Variants in PUM1 observed in about 807,000 individuals in gnomAD.
The protein encoded by PUM1 is pumilio homolog 1.
Under a neutral mutation model 131.8 loss-of-function variants are expected in PUM1, and 13 were observed. The ratio of observed to expected loss-of-function variants is 0.10; its 90% CI spans 0.06 to 0.16. The LOEUF is 0.16. Ranked by LOEUF, PUM1 falls within the 10% of genes least tolerant of loss-of-function variation. The pLI is 1.00. For missense variants in PUM1, 961 were observed against 1,512.4 expected (o/e 0.64, Z 6.05); for synonymous variants, 509 against 556.5 (o/e 0.91, Z 1.20).
chr1:30,989,577 A>AAAC (rs1368254146), intron 7 of PUM1, among the ~76,000 whole-genome samples: 1 of 147,652 alleles, frequency 6.8e-6, no homozygotes, highest in African/African-American at 2.5e-5. Context: ...GTCTCAAAAA[A>AAAC]AAAAAAAAAA....
intron 21 of PUM1, among the ~76,000 whole-genome samples, chr1:30,934,284 T>G (rs1639105037): frequency 6.6e-6 from 1 of 152,192 alleles, no homozygotes; most frequent in African/African-American, 2.4e-5. Context: ...TATCAATCTT[T>G]CCATATAAAC....
chr1:30,964,678 G>A lies in PUM1; in HGVS notation c.2319C>T (p.Asn773=), dbSNP rs1377908584. ...LSSHGSSSSL[N]LGGLTNGSGR... ...TGTTAGAGTAATGGTTCTTACCCAGGTTTAAGCTTGAAGAGGATCCATGTG... is the reference window on the plus strand; with the variant it reads ...TGTTAGAGTAATGGTTCTTACCCAGATTTAAGCTTGAAGAGGATCCATGTG... Residue 773 remains asparagine, a synonymous_variant, in exon 14 of 22, where the codon AAC becomes AAT. Transcript: ENST00000426105. The A allele has an allele frequency of 3.7e-6, 6 of 1,608,830 alleles. No homozygotes were observed. Among genetic ancestry groups the A allele is most frequent in the African/African-American group, 1.3e-5 (1 of 74,770 alleles).
chr1:31,007,810 C>G (rs1642446421), intron 3 of PUM1, among the ~76,000 whole-genome samples: 1 of 152,206 alleles, frequency 6.6e-6, no homozygotes. Context: ...CATAAGCCAA[C>G]ATGAGAAGTT....
chr1:31,030,239 G>A (rs1380287534), intron 2 of PUM1, among the ~76,000 whole-genome samples: 1 of 151,914 alleles, frequency 6.6e-6, no homozygotes, highest in East Asian at 1.9e-4. Context: ...AAAGATGTAG[G>A]CTTTGCTCTT....
In PUM1 at chr1:31,021,495, G is replaced by A. The variant is rs188228111; in HGVS notation, c.432+7301C>T. Among the ~76,000 whole-genome samples the A allele has an allele frequency of 5.9e-3, 895 of 152,238 alleles. 2 individuals carry two copies. The highest frequency in any genetic ancestry group is 9.1e-3 in the Non-Finnish European group (619 of 68,008). On this transcript the variant is annotated intron_variant, in intron 3 of 21. Transcript: ENST00000426105. The stretch of plus-strand genomic sequence containing the variant: ...CAATACAATATATTTAGCAGCTATT[G>A]TTTACAAAGCACATTATTAGCTGAA...
intron 20 of PUM1, among the ~76,000 whole-genome samples, chr1:30,939,965 A>G (rs114506710): frequency 0.018 from 2,792 of 152,326 alleles, 36 homozygotes; most frequent in Non-Finnish European, 0.025. Context: ...ACAAAAATGT[A>G]AACAGGAGAC....
intron 19 of PUM1, 112 bp downstream of exon 19, chr1:30,941,886 G>T: frequency 8.8e-7 from 1 of 1,141,260 alleles, no homozygotes; most frequent in Non-Finnish European, 1.2e-6. Context: ...AAGATTCAAG[G>T]GTATTTAAAA....
chr1:30,989,397 C>A (rs1035154902), intron 7 of PUM1, among the ~76,000 whole-genome samples: 2 of 151,768 alleles, frequency 1.3e-5, no homozygotes, highest in Non-Finnish European at 2.9e-5. Flanking sequence ...TAAGGCGAAA[C>A]CCCATCTCTA....
intron 19 of PUM1, 60 bp downstream of exon 19, chr1:30,941,938 A>C: frequency 7.0e-7 from 1 of 1,429,688 alleles, no homozygotes; most frequent in Non-Finnish European, 9.5e-7. Context: ...AAAACACACA[A>C]ACTCTGGCCC....
chr1:31,012,316 T>A (rs1017255458), intron 3 of PUM1, among the ~76,000 whole-genome samples: 3 of 151,856 alleles, frequency 2.0e-5, no homozygotes, highest in African/African-American at 7.3e-5. Context: ...TCTGAATTAG[T>A]AATAACAGTC....
At chr1:31,021,894 T>C (rs1471436820) in intron 3 of PUM1, among the ~76,000 whole-genome samples, 1 of 151,784 alleles carries the variant, frequency 6.6e-6, no homozygotes, top group Non-Finnish European at 1.5e-5. Flanking sequence ...GAGATCTGGG[T>C]TCAAACAGAG....
intron 7 of PUM1, among the ~76,000 whole-genome samples, chr1:30,989,050 TTAAG>T (rs1424760773): frequency 2.6e-5 from 4 of 152,256 alleles, no homozygotes; most frequent in South Asian, 2.1e-4. Context: ...ACTATAATAA[TTAAG>T]TAATTCCTGC....
At chr1:30,999,411 A>G (rs1373676233) in intron 5 of PUM1, among the ~76,000 whole-genome samples, 1 of 151,978 alleles carries the variant, frequency 6.6e-6, no homozygotes, top group Non-Finnish European at 1.5e-5. Context: ...GTTCAAGACC[A>G]GCCTGGCCAA....
At chr1:30,979,280 G>A (rs989054844) in intron 9 of PUM1, among the ~76,000 whole-genome samples, 3 of 152,154 alleles carry the variant, frequency 2.0e-5, no homozygotes, top group African/African-American at 7.2e-5. Context: ...CCAAAGACAG[G>A]GGCCTAAACC....
At chr1:30,962,603 G>A (rs1189818568) in intron 14 of PUM1, among the ~76,000 whole-genome samples, 3 of 151,976 alleles carry the variant, frequency 2.0e-5, no homozygotes, top group Non-Finnish European at 4.4e-5. Flanking sequence ...GTAGAGGCGG[G>A]GCTTCACTAT....
intron 2 of PUM1, among the ~76,000 whole-genome samples, chr1:31,056,065 G>C (rs1436784930): frequency 6.6e-6 from 1 of 152,104 alleles, no homozygotes; most frequent in African/African-American, 2.4e-5. Context: ...CTCCTACCTT[G>C]ATTTCCTGCT....
At chr1:31,038,060 TAG>T (rs1643672975) in intron 2 of PUM1, among the ~76,000 whole-genome samples, 1 of 143,710 alleles carries the variant, frequency 7.0e-6, no homozygotes, top group Admixed American at 7.2e-5. Context: ...GCCTCGGAAA[TAG>T]AGTGAGACTC....
At chr1:31,045,278 C>A (rs552628859) in intron 2 of PUM1, among the ~76,000 whole-genome samples, 2 of 151,942 alleles carry the variant, frequency 1.3e-5, no homozygotes, top group Non-Finnish European at 2.9e-5. Context: ...TGATTACAAG[C>A]GCCCACCCCC....
intron 2 of PUM1, among the ~76,000 whole-genome samples, chr1:31,051,449 G>A (rs959406264): frequency 2.0e-5 from 3 of 152,054 alleles, no homozygotes; most frequent in South Asian, 2.1e-4. Flanking sequence ...GATTACAGGC[G>A]TGCGCCACCA....
Sources: gnomAD v4.1 joint callset for allele counts (sites outside exome capture counted in the v4.1 genomes callset) on GRCh38, gnomAD v4.1.1 for gene constraint, MANE v1.5 for transcripts, NCBI Gene and HGNC (gene_info 2026-07-23, HGNC 2026-07-21) for gene names.